The following PCCA variants were observed in gnomAD, a reference collection of about 807,000 sequenced individuals.
The protein encoded by PCCA is propionyl-CoA carboxylase alpha chain, mitochondrial.
PCCA carries 74 observed loss-of-function variants against 101.3 expected under a neutral mutation model. That is an observed-to-expected ratio of 0.73 (90% CI 0.61 to 0.89). The LOEUF is 0.89. Among genes scored for constraint, PCCA ranks in the 40% least tolerant of loss-of-function variants. The pLI is 0.00. For missense variants in PCCA, 891 were observed against 907.0 expected (o/e 0.98, Z 0.23); for synonymous variants, 294 against 313.6 (o/e 0.94, Z 0.66).
intron 8 of PCCA, among the ~76,000 whole-genome samples, chr13:100,244,960 T>TGC (rs1270723704): frequency 2.8e-4 from 36 of 127,976 alleles, no homozygotes; most frequent in Middle Eastern, 3.8e-3. Context: ...TGTGTGTGTG[T>TGC]GTGTGCGCAG....
intron 12 of PCCA, among the ~76,000 whole-genome samples, chr13:100,294,505 T>C (rs1176518627): frequency 6.6e-6 from 1 of 152,026 alleles, no homozygotes; most frequent in African/African-American, 2.4e-5. Flanking sequence ...CTTACTAGAA[T>C]ATGACTGGTT....
intron 21 of PCCA, among the ~76,000 whole-genome samples, chr13:100,493,858 C>T (rs2085082853): frequency 6.6e-6 from 1 of 152,180 alleles, no homozygotes. Flanking sequence ...CCTTAAAATT[C>T]AATCTATCAT....
intron 4 of PCCA, among the ~76,000 whole-genome samples, chr13:100,146,574 CAAAA>C (rs34460515): frequency 1.0e-5 from 1 of 98,052 alleles, no homozygotes. Context: ...GACTCTGTCT[CAAAA>C]AAAAAAAAAA....
intron 6 of PCCA, among the ~76,000 whole-genome samples, chr13:100,164,671 A>G (rs2054852662): frequency 1.3e-5 from 2 of 152,240 alleles, no homozygotes; most frequent in Non-Finnish European, 2.9e-5. Flanking sequence ...TTTTAAAATT[A>G]CATATGTATT....
chr13:100,116,824 CCTGTGGTCGCTGTT>C (rs2048844226), intron 4 of PCCA, among the ~76,000 whole-genome samples: 1 of 150,124 alleles, frequency 6.7e-6, no homozygotes, highest in Admixed American at 6.7e-5. Context: ...TTTGCAGGCC[CCTGTGGTCGCTGTT>C]ACATATGCTT....
intron 12 of PCCA, among the ~76,000 whole-genome samples, chr13:100,284,897 A>T (rs1010133280): frequency 3.9e-5 from 6 of 152,194 alleles, no homozygotes; most frequent in African/African-American, 7.2e-5. Context: ...TCTCAAGTCC[A>T]GGCACTCTGG....
At chr13:100,287,622 A>G (rs375791263) in intron 12 of PCCA, among the ~76,000 whole-genome samples, 85 of 152,214 alleles carry the variant, frequency 5.6e-4, no homozygotes, top group African/African-American at 2.0e-3. Flanking sequence ...TTTACTTCCT[A>G]ACTCTTCATG....
chr13:100,223,681 G>A (rs2059956388), intron 7 of PCCA, among the ~76,000 whole-genome samples: 1 of 152,020 alleles, frequency 6.6e-6, no homozygotes, highest in African/African-American at 2.4e-5. Flanking sequence ...CTCTTATCCG[G>A]CCCCACCCAC....
intron 7 of PCCA, among the ~76,000 whole-genome samples, chr13:100,221,746 ATTTT>A (rs3034654): frequency 2.5e-5 from 3 of 121,598 alleles, no homozygotes; most frequent in Admixed American, 9.3e-5. Context: ...TCCCTGGGAA[ATTTT>A]TTTTTTTTTT....
intron 19 of PCCA, 39 bp from the exon 20 acceptor site, chr13:100,425,592 GTC>G: frequency 7.3e-7 from 1 of 1,366,530 alleles, no homozygotes; most frequent in Non-Finnish European, 1.0e-6. Context: ...TCAGTTTTCT[GTC>G]TTTCTTCATG....
chr13:100,253,035 A>G (rs951192913), intron 8 of PCCA, among the ~76,000 whole-genome samples: 3 of 152,116 alleles, frequency 2.0e-5, no homozygotes, highest in African/African-American at 4.8e-5. Context: ...CTCAGTTTAA[A>G]TACTAGTTTT....
chr13:100,394,582 G>C lies in PCCA; in HGVS notation c.1746+26008G>C, dbSNP rs910872322. The stretch of plus-strand genomic sequence containing the variant: ...AGTAACTGAATCTGGTAACAGGGTA[G>C]TTGTTTGTTTCAGAAGCTTATATTA... On this transcript the variant is annotated intron_variant, in intron 19 of 23. Coordinates refer to ENST00000376285, the MANE Select transcript of PCCA (RefSeq NM_000282.4). This position sits in a 1 kb window ranked among gnomAD's most constrained non-coding sequence, Gnocchi z 4.3. Among the ~76,000 whole-genome samples the C allele has an allele frequency of 2.0e-5, 3 of 152,092 alleles. No individual in the cohort carries two copies. The highest frequency in any genetic ancestry group is 7.2e-5 in the African/African-American group (3 of 41,410).
At chr13:100,334,996 C>T (rs2070213483) in intron 17 of PCCA, among the ~76,000 whole-genome samples, 1 of 152,022 alleles carries the variant, frequency 6.6e-6, no homozygotes, top group African/African-American at 2.4e-5. Flanking sequence ...TTTTTTAAAT[C>T]TTCTAAAAGA....
At chr13:100,468,528 A>C (rs2082714144) in intron 21 of PCCA, among the ~76,000 whole-genome samples, 2 of 152,346 alleles carry the variant, frequency 1.3e-5, no homozygotes, top group African/African-American at 4.8e-5. Context: ...CTTCATCAGC[A>C]CTTGGTACTT....
intron 4 of PCCA, among the ~76,000 whole-genome samples, chr13:100,125,291 A>G (rs1331556756): frequency 6.6e-6 from 1 of 152,228 alleles, no homozygotes; most frequent in Admixed American, 6.5e-5. Context: ...ATATTTCCAG[A>G]CATTTAGGTT....
At chr13:100,426,743 C>T (rs2079170096) in intron 20 of PCCA, among the ~76,000 whole-genome samples, 1 of 151,944 alleles carries the variant, frequency 6.6e-6, no homozygotes, top group African/African-American at 2.4e-5. Flanking sequence ...TATATTTTTT[C>T]TCATTTTTTT....
At chr13:100,367,632 T>C (rs1218809327) in intron 18 of PCCA, among the ~76,000 whole-genome samples, 1 of 150,716 alleles carries the variant, frequency 6.6e-6, no homozygotes, top group Non-Finnish European at 1.5e-5. Flanking sequence ...AAAATAAGTA[T>C]AGTTTTTTTT....
intron 16 of PCCA, among the ~76,000 whole-genome samples, chr13:100,313,960 A>G (rs1436958814): frequency 1.3e-5 from 2 of 151,972 alleles, no homozygotes; most frequent in Non-Finnish European, 2.9e-5. Flanking sequence ...TTTTAATCCC[A>G]TCTGTGGCCC....
intron 16 of PCCA, among the ~76,000 whole-genome samples, chr13:100,322,963 T>C (rs995728772): frequency 6.6e-6 from 1 of 152,250 alleles, no homozygotes; most frequent in African/African-American, 2.4e-5. Context: ...AGGTACCATA[T>C]TGTGTGCTCT....
Sources: gnomAD v4.1 joint callset for allele counts (sites outside exome capture counted in the v4.1 genomes callset) on GRCh38, gnomAD v4.1.1 for gene constraint, Gnocchi (gnomAD v3.1) non-coding constraint, MANE v1.5 for transcripts, NCBI Gene and HGNC (gene_info 2026-07-23, HGNC 2026-07-21) for gene names.